Variants in NRG1 observed in about 807,000 individuals in gnomAD.
NRG1 encodes pro-neuregulin-1, membrane-bound isoform.
In NRG1, 18 loss-of-function variants were observed where a neutral mutation model predicts 63.8. The ratio of observed to expected loss-of-function variants is 0.28; its 90% CI spans 0.19 to 0.42. NRG1 has a LOEUF of 0.42. Ranked by LOEUF, NRG1 falls within the 10% of genes least tolerant of loss-of-function variation. The pLI is 1.00. For synonymous variants in NRG1, 302 were observed against 301.3 expected (o/e 1.00, Z -0.02); for missense variants, 762 against 814.7 (o/e 0.94, Z 0.79).
At chr8:32,565,363 T>C (rs1837259345) in intron 1 of NRG1, among the ~76,000 whole-genome samples, 1 of 152,232 alleles carries the variant, frequency 6.6e-6, no homozygotes, top group African/African-American at 2.4e-5. Context: ...CCTCAAGCGA[T>C]CCTTCTACTT....
At chr8:32,412,435 T>TATATATAC (rs1815165913) in intron 1 of NRG1, among the ~76,000 whole-genome samples, 524 of 39,248 alleles carry the variant, frequency 0.013, 7 homozygotes, top group African/African-American at 0.033. Context: ...TATATATATA[T>TATATATAC]ATATATATAT....
At chr8:32,060,674 A>G (rs1823699625) in intron 1 of NRG1, among the ~76,000 whole-genome samples, 1 of 151,892 alleles carries the variant, frequency 6.6e-6, no homozygotes, top group Non-Finnish European at 1.5e-5. Context: ...CAACATATGT[A>G]GCTGTTTCAT....
Position 32,742,130 on chromosome 8 carries a change from T to TA in NRG1, c.633-544dup. 2 of 1,382,668 alleles carry TA rather than the reference T, an allele frequency of 1.4e-6. No individual in the cohort carries two copies. Among genetic ancestry groups the TA allele is most frequent in the Non-Finnish European group, 2.1e-6 (2 of 970,112 alleles). 85.6% of individuals were successfully genotyped at this position (1,382,668 alleles called of 1,614,324 possible). A position where few individuals can be genotyped will look rare whatever the true frequency, so the allele number is the denominator to read the frequency against. ...CTCCCCCAACTACAGCAACAATCACTACCACTTGGTGCTTTTACAGCTCAG... is the reference window on the plus strand; with the variant it reads ...CTCCCCCAACTACAGCAACAATCACTAACCACTTGGTGCTTTTACAGCTCAG... On this transcript the variant is annotated intron_variant, in intron 6 of 11. Transcript: ENST00000356819. This position sits in a 1 kb window ranked among gnomAD's most constrained non-coding sequence, Gnocchi z 4.2.
At chr8:32,064,456 G>A (rs183051565) in intron 1 of NRG1, among the ~76,000 whole-genome samples, 2 of 152,240 alleles carry the variant, frequency 1.3e-5, no homozygotes, top group East Asian at 3.9e-4. Context: ...TGACTTAGCA[G>A]ATGACTCTGA....
At chr8:32,428,778 A>G (rs2129486607) in intron 1 of NRG1, among the ~76,000 whole-genome samples, 1 of 152,278 alleles carries the variant, frequency 6.6e-6, no homozygotes, top group South Asian at 2.1e-4. Flanking sequence ...AAAGTAATGG[A>G]TTGTTCCAGA....
chr8:31,912,453 G>A (rs1201574639), intron 1 of NRG1, among the ~76,000 whole-genome samples: 1 of 151,958 alleles, frequency 6.6e-6, no homozygotes, highest in Non-Finnish European at 1.5e-5. Context: ...TCCACGGGAG[G>A]ACTAGGCAGG....
intron 1 of NRG1, among the ~76,000 whole-genome samples, chr8:32,074,919 A>C (rs538722797): frequency 3.3e-5 from 5 of 152,250 alleles, no homozygotes; most frequent in South Asian, 2.1e-4. Flanking sequence ...AAAGGTATAT[A>C]GTAGTTAAAA....
intron 1 of NRG1, among the ~76,000 whole-genome samples, chr8:32,254,423 C>A (rs768148021): frequency 1.3e-5 from 2 of 152,154 alleles, no homozygotes; most frequent in Admixed American, 1.3e-4. Flanking sequence ...TTTCTGCCTT[C>A]ATTTCATTAT....
Position 32,418,756 on chromosome 8 carries a change from A to G in NRG1, c.38-177072A>G, listed in dbSNP as rs574184165. On this transcript the variant is annotated intron_variant, in intron 1 of 10. Coordinates refer to the NRG1 transcript ENST00000519301. ...TATTGACTGTCAGTAAATATGTTTAAGAAACAGTTTTTCGTATTACTCTAA... is the reference window on the plus strand; with the variant it reads ...TATTGACTGTCAGTAAATATGTTTAGGAAACAGTTTTTCGTATTACTCTAA... Among the ~76,000 whole-genome samples, 17 of 152,318 alleles carry G rather than the reference A, an allele frequency of 1.1e-4. No individual in the cohort carries two copies. In the South Asian group the frequency reaches 2.9e-3, roughly 26 times the overall value.
At chr8:32,667,174 T>C (rs1804412393) in intron 5 of NRG1, among the ~76,000 whole-genome samples, 1 of 152,166 alleles carries the variant, frequency 6.6e-6, no homozygotes, top group Non-Finnish European at 1.5e-5. Context: ...CTGTACTAAG[T>C]AGTATAGGCA....
At chr8:32,233,531 G>A (rs1027769523) in intron 1 of NRG1, among the ~76,000 whole-genome samples, 18 of 103,142 alleles carry the variant, frequency 1.7e-4, no homozygotes, top group South Asian at 3.8e-4. Flanking sequence ...CTCATAACTC[G>A]AAAGAATATA....
exon 1 of NRG1, chr8:32,548,456 A>C: frequency 8.6e-7 from 1 of 1,162,966 alleles, no homozygotes; most frequent in Non-Finnish European, 1.1e-6. Flanking sequence ...GCGAGCCGCC[A>C]GCGGTGGGAC....
At position 31,757,736 on chromosome 8, in the gene NRG1, C is replaced by T. The variant is rs113279981; in HGVS notation, c.37+118305C>T. ...GATGGTGTCAATTGTTATCAACACA[C>T]GATAGTATCACATTTTTATTGAGAT... is the stretch of plus-strand genomic sequence containing the variant. On this transcript the variant is annotated intron_variant, in intron 1 of 10. Coordinates refer to the NRG1 transcript ENST00000519301. Among the ~76,000 whole-genome samples, 667 of 151,976 alleles carry T rather than the reference C, an allele frequency of 4.4e-3. 4 individuals carry two copies. The highest frequency in any genetic ancestry group is 0.015 in the African/African-American group (627 of 41,432).
chr8:32,219,983 G>A (rs752473846), intron 1 of NRG1, among the ~76,000 whole-genome samples: 6 of 152,100 alleles, frequency 3.9e-5, no homozygotes, highest in Non-Finnish European at 8.8e-5. Flanking sequence ...ACACACCCCC[G>A]GCTGTCAGAA....
At chr8:32,548,778 C>A in exon 1 of NRG1, 1 of 1,589,934 alleles carries the variant, frequency 6.3e-7, no homozygotes, top group East Asian at 2.3e-5. Flanking sequence ...GAAGAAGGAG[C>A]GAGGCTCCGG....
chr8:32,359,310 T>G (rs765562065), intron 1 of NRG1, among the ~76,000 whole-genome samples: 7 of 152,196 alleles, frequency 4.6e-5, no homozygotes, highest in Non-Finnish European at 1.0e-4. Context: ...TAATCACATA[T>G]GCAGATTGAT....
chr8:32,181,870 T>C (rs540326348), intron 1 of NRG1, among the ~76,000 whole-genome samples: 2 of 152,328 alleles, frequency 1.3e-5, no homozygotes, highest in Admixed American at 6.5e-5. Context: ...ATATTAGTTG[T>C]TTACAAGGCA....
chr8:32,408,930 C>T (rs1002033740), intron 1 of NRG1, among the ~76,000 whole-genome samples: 2 of 152,042 alleles, frequency 1.3e-5, no homozygotes, highest in Non-Finnish European at 2.9e-5. Context: ...TATTATTCCA[C>T]CCTCTATGTC....
At chr8:32,693,836 G>A (rs951764322) in intron 5 of NRG1, among the ~76,000 whole-genome samples, 3 of 152,076 alleles carry the variant, frequency 2.0e-5, no homozygotes, top group South Asian at 4.1e-4. Flanking sequence ...AACAATTTTC[G>A]TTCCCTTGTT....
Sources: gnomAD v4.1 joint callset for allele counts (sites outside exome capture counted in the v4.1 genomes callset) on GRCh38, gnomAD v4.1.1 for gene constraint, Gnocchi (gnomAD v3.1) non-coding constraint, MANE v1.5 for transcripts, NCBI Gene and HGNC (gene_info 2026-07-23, HGNC 2026-07-21) for gene names.